Variants in CFAP20DC observed in about 807,000 individuals in gnomAD.
CFAP20DC encodes the protein CFAP20 domain containing.
CFAP20DC carries 84 observed loss-of-function variants against 101.7 expected under a neutral mutation model. The observed-to-expected ratio is 0.83, with a 90% CI of 0.69 to 0.99. CFAP20DC has a LOEUF of 0.99. Among genes scored for constraint, CFAP20DC ranks in the 50% least tolerant of loss-of-function variants. The pLI, the probability that CFAP20DC is intolerant of heterozygous loss-of-function variation, is 0.00. For missense variants in CFAP20DC, 1,007 were observed against 970.3 expected (o/e 1.04, Z -0.50); for synonymous variants, 359 against 351.2 (o/e 1.02, Z -0.25).
chr3:58,990,457 T>A (rs923465275), intron 4 of CFAP20DC, among the ~76,000 whole-genome samples: 2 of 152,200 alleles, frequency 1.3e-5, no homozygotes. Context: ...CCTGAAGTAC[T>A]GCACAGAGTA....
chr3:58,951,352 T>C (rs1234066536), intron 4 of CFAP20DC, among the ~76,000 whole-genome samples: 2 of 152,230 alleles, frequency 1.3e-5, no homozygotes, highest in African/African-American at 2.4e-5. Flanking sequence ...AGTATGGCGA[T>C]TCCTCAGGGA....
At chr3:59,030,714 T>G (rs1438443233) in intron 4 of CFAP20DC, among the ~76,000 whole-genome samples, 2 of 152,224 alleles carry the variant, frequency 1.3e-5, no homozygotes, top group Admixed American at 6.5e-5. Context: ...AAGAAAGAAG[T>G]CATCAGGTTG....
In CFAP20DC at chr3:58,831,714, G is replaced by A. The variant is rs1232263787; in HGVS notation, c.2147C>T (p.Thr716Ile). The change falls in exon 14 of 17, where the codon ACA (threonine) becomes ATA (isoleucine). Residue 716 changes from threonine to isoleucine, a missense_variant. Coordinates refer to ENST00000482387, the MANE Select transcript of CFAP20DC (RefSeq NM_001394063.1). ...NVSISTSSDD[T>I]TTWNSCLPPP... ...TGGCAGGCAGGAGTTCCAGGTGGTTGTGTCGTCACTGCTGGTACTTATGCT... is the reference window on the plus strand; with the variant it reads ...TGGCAGGCAGGAGTTCCAGGTGGTTATGTCGTCACTGCTGGTACTTATGCT... The A allele has an allele frequency of 1.2e-5, 20 of 1,613,884 alleles. No individual in the cohort carries two copies. Among genetic ancestry groups the A allele is most frequent in the Non-Finnish European group, 1.7e-5 (20 of 1,179,966 alleles).
chr3:58,954,995 T>TA (rs1206589803), intron 4 of CFAP20DC, among the ~76,000 whole-genome samples: 457 of 141,854 alleles, frequency 3.2e-3, no homozygotes, highest in Middle Eastern at 0.011. Context: ...AAATAAAAAC[T>TA]AAAAAAAAAA....
At chr3:58,845,065 G>A (rs1467492113) in intron 13 of CFAP20DC, among the ~76,000 whole-genome samples, 224 of 142,132 alleles carry the variant, frequency 1.6e-3, no homozygotes, top group Non-Finnish European at 2.6e-3. Context: ...AAGCAGGAAA[G>A]ATCCAAAATT....
chr3:58,762,230 G>A (rs936171201), intron 15 of CFAP20DC, among the ~76,000 whole-genome samples: 6 of 152,084 alleles, frequency 3.9e-5, no homozygotes, highest in Non-Finnish European at 7.4e-5. Context: ...CCTGTATTGG[G>A]TGCATATATA....
At chr3:58,916,620 C>T (rs1396936950) in intron 5 of CFAP20DC, among the ~76,000 whole-genome samples, 3 of 152,006 alleles carry the variant, frequency 2.0e-5, no homozygotes, top group Non-Finnish European at 2.9e-5. Context: ...AATAATCATT[C>T]AAGAAATAAA....
At chr3:58,808,994 G>C (rs201063595) in intron 14 of CFAP20DC, among the ~76,000 whole-genome samples, 17,356 of 150,440 alleles carry the variant, frequency 0.12, 1,815 homozygotes, top group East Asian at 0.34. Context: ...GTAAAGGGAT[G>C]AATTCAACAA....
intron 5 of CFAP20DC, among the ~76,000 whole-genome samples, chr3:58,933,994 G>C (rs574914982): frequency 3.9e-4 from 60 of 152,112 alleles, no homozygotes; most frequent in African/African-American, 1.3e-3. Flanking sequence ...CTGGTTTTTT[G>C]AAAGGATCAA....
intron 4 of CFAP20DC, chr3:59,018,585 C>T (rs906016277): frequency 6.6e-6 from 1 of 152,036 alleles, no homozygotes; most frequent in African/African-American, 2.4e-5. Flanking sequence ...AAGAAAACAT[C>T]AGACAAACTC....
intron 5 of CFAP20DC, among the ~76,000 whole-genome samples, chr3:58,919,347 G>A (rs140391902): frequency 3.4e-4 from 51 of 152,178 alleles, no homozygotes; most frequent in African/African-American, 1.1e-3. Flanking sequence ...TTATTTCAAG[G>A]TTTTGGCTAT....
chr3:58,989,578 T>TA (rs1229271839), intron 4 of CFAP20DC, among the ~76,000 whole-genome samples: 23 of 152,288 alleles, frequency 1.5e-4, no homozygotes, highest in African/African-American at 5.3e-4. Context: ...GTAATATAAG[T>TA]ACATTCCAAA....
In CFAP20DC at chr3:58,863,916, A is replaced by G; in HGVS notation, c.1259-24T>C. Reference sequence around the variant, plus strand: ...ATCTGACAGTTGGAAAAGATGACAAAAATTAGAGCAGTAATCCATAAAAGT... The same window carrying G: ...ATCTGACAGTTGGAAAAGATGACAAGAATTAGAGCAGTAATCCATAAAAGT... On this transcript the variant is annotated intron_variant, in intron 11 of 16. Coordinates refer to ENST00000482387, the MANE Select transcript of CFAP20DC (RefSeq NM_001394063.1). The surrounding 1 kb of genome is among the most constrained non-coding windows in gnomAD (Gnocchi z 5.9). 3 of 1,580,638 alleles carry G rather than the reference A, an allele frequency of 1.9e-6. No individual in the cohort carries two copies. The highest frequency in any genetic ancestry group is 2.6e-6 in the Non-Finnish European group (3 of 1,164,860).
chr3:59,040,683 A>G (rs1699293019), intron 3 of CFAP20DC, among the ~76,000 whole-genome samples: 1 of 152,070 alleles, frequency 6.6e-6, no homozygotes. Flanking sequence ...TAAAGTAACA[A>G]CACGTTTTTG....
chr3:58,800,675 A>T (rs369009077), intron 15 of CFAP20DC, among the ~76,000 whole-genome samples: 1 of 152,198 alleles, frequency 6.6e-6, no homozygotes, highest in Non-Finnish European at 1.5e-5. Context: ...GACTAGGGCT[A>T]TTCCAAATGT....
rs531721851 is a variant in CFAP20DC at position 58,864,708 on chromosome 3, T to C, written c.1259-816A>G. Among the ~76,000 whole-genome samples the C allele has an allele frequency of 1.3e-5, 2 of 152,324 alleles. No homozygotes were observed. The highest frequency in any genetic ancestry group is 1.9e-4 in the East Asian group (1 of 5,180). ...GTTGGCAGTCATTTCCTCTCTATTCTACTGATTCAAACAGGACAATTCACA... is the reference window on the plus strand; with the variant it reads ...GTTGGCAGTCATTTCCTCTCTATTCCACTGATTCAAACAGGACAATTCACA... On this transcript the variant is annotated intron_variant, in intron 11 of 16. Coordinates refer to ENST00000482387, the MANE Select transcript of CFAP20DC (RefSeq NM_001394063.1). This position sits in a 1 kb window ranked among gnomAD's most constrained non-coding sequence, Gnocchi z 4.7.
At chr3:58,910,474 G>C (rs549731986) in intron 6 of CFAP20DC, among the ~76,000 whole-genome samples, 2 of 152,186 alleles carry the variant, frequency 1.3e-5, no homozygotes, top group East Asian at 3.9e-4. Flanking sequence ...TAAGAAGTTA[G>C]ATATCATTCT....
chr3:58,727,099 T>A (rs902299260), intron 3 of CFAP20DC: 3 of 202,690 alleles, frequency 1.5e-5, no homozygotes, highest in African/African-American at 2.4e-5. Flanking sequence ...CCACCTCCCA[T>A]AGGGGGCCAG....
chr3:58,742,874 T>C (rs1271653111), intron 16 of CFAP20DC, among the ~76,000 whole-genome samples: 2 of 152,180 alleles, frequency 1.3e-5, no homozygotes, highest in African/African-American at 2.4e-5. Context: ...TTAAGAGTTA[T>C]GCTTATTAGG....
Sources: gnomAD v4.1 joint callset for allele counts (sites outside exome capture counted in the v4.1 genomes callset) on GRCh38, gnomAD v4.1.1 for gene constraint, Gnocchi (gnomAD v3.1) non-coding constraint, MANE v1.5 for transcripts, NCBI Gene and HGNC (gene_info 2026-07-23, HGNC 2026-07-21) for gene names.